Variants in RIC1 observed in about 807,000 individuals in gnomAD.
RIC1 encodes the protein RIC1 partner of RAB6A GEF complex.
A neutral mutation model predicts 169.0 loss-of-function variants in RIC1; 88 were observed. That is an observed-to-expected ratio of 0.52 (90% CI 0.44 to 0.62). The LOEUF (loss-of-function observed/expected upper bound fraction) is 0.62, where lower values mean the gene tolerates loss of function less well. Among genes scored for constraint, RIC1 ranks in the 20% least tolerant of loss-of-function variants. RIC1 has a pLI of 0.00. For synonymous variants in RIC1, 790 were observed against 601.5 expected, an observed-to-expected ratio of 1.31 and a Z score of -4.59; for missense variants, 1,877 against 1,725.5, an observed-to-expected ratio of 1.09 and a Z score of -1.56.
At chr9:5,696,021 C>G (rs2760415) in intron 3 of RIC1, among the ~76,000 whole-genome samples, 1 of 152,002 alleles carries the variant, frequency 6.6e-6, no homozygotes, top group Non-Finnish European at 1.5e-5. Flanking sequence ...TTCTTTGTTT[C>G]TTCCTCTGGA....
At chr9:5,724,654 G>T (rs1276409529) in intron 6 of RIC1, among the ~76,000 whole-genome samples, 2 of 152,306 alleles carry the variant, frequency 1.3e-5, no homozygotes, top group Admixed American at 1.3e-4. Context: ...CAAAGGGAAT[G>T]CTTCCAGTTT....
At chr9:5,740,461 A>T (rs1230012064) in intron 8 of RIC1, among the ~76,000 whole-genome samples, 1 of 151,946 alleles carries the variant, frequency 6.6e-6, no homozygotes, top group Non-Finnish European at 1.5e-5. Flanking sequence ...AATAGAATAG[A>T]TACATACATA....
At chr9:5,676,612 C>T (rs1346898887) in intron 2 of RIC1, among the ~76,000 whole-genome samples, 1 of 152,044 alleles carries the variant, frequency 6.6e-6, no homozygotes, top group Non-Finnish European at 1.5e-5. Context: ...ATTATTAGAG[C>T]CATAGGCATC....
intron 4 of RIC1, among the ~76,000 whole-genome samples, chr9:5,714,699 T>TA (rs1390494348): frequency 6.6e-6 from 1 of 152,162 alleles, no homozygotes; most frequent in African/African-American, 2.4e-5. Flanking sequence ...GCAAAATGCT[T>TA]ATGTTGCTAA....
chr9:5,649,557 G>A (rs1202456343), intron 1 of RIC1, among the ~76,000 whole-genome samples: 2 of 151,870 alleles, frequency 1.3e-5, no homozygotes, highest in Non-Finnish European at 2.9e-5. Flanking sequence ...TATCTTTTTG[G>A]TGAATTTTTC....
chr9:5,775,880 T>C lies in RIC1; in HGVS notation c.*1634T>C, dbSNP rs992798662. ...TTCTGGTGCTATTTTTATTTAAGTC[T>C]TTGTTTCAAACCACCTTTCCCTGAA... On this transcript the variant is annotated 3_prime_UTR_variant, in exon 26 of 26. Coordinates refer to ENST00000414202, the MANE Select transcript of RIC1 (RefSeq NM_020829.4). 23 of 152,182 alleles carry C rather than the reference T, an allele frequency of 1.5e-4. No individual in the cohort carries two copies. The highest frequency in any genetic ancestry group is 5.1e-4 in the African/African-American group (21 of 41,432). 9.4% of individuals were successfully genotyped at this position (152,182 alleles called of 1,614,324 possible). A position where few individuals can be genotyped will look rare whatever the true frequency, so the allele number is the denominator to read the frequency against.
At chr9:5,712,178 T>G (rs13296516) in intron 3 of RIC1, among the ~76,000 whole-genome samples, 3,012 of 152,318 alleles carry the variant, frequency 0.02, 37 homozygotes, top group Non-Finnish European at 0.025. Flanking sequence ...TTGAACTAGT[T>G]TGCAGTCCCA....
At chr9:5,701,001 C>T (rs978966195) in intron 3 of RIC1, among the ~76,000 whole-genome samples, 1 of 152,154 alleles carries the variant, frequency 6.6e-6, no homozygotes, top group African/African-American at 2.4e-5. Context: ...TTCTCAGAAT[C>T]GTATGGTCAA....
At chr9:5,733,838 T>C (rs1180790746) in intron 7 of RIC1, among the ~76,000 whole-genome samples, 1 of 151,684 alleles carries the variant, frequency 6.6e-6, no homozygotes, top group Non-Finnish European at 1.5e-5. Context: ...TCCTCTTTAC[T>C]CTTCTGAGTA....
chr9:5,661,846 A>G (rs112182411), intron 2 of RIC1, among the ~76,000 whole-genome samples: 11,973 of 152,136 alleles, frequency 0.079, 651 homozygotes, highest in South Asian at 0.21. Context: ...TGATTGCCCC[A>G]GCCAGAACTG....
chr9:5,633,298 A>T (rs1817807456), intron 1 of RIC1, among the ~76,000 whole-genome samples: 1 of 152,094 alleles, frequency 6.6e-6, no homozygotes, highest in Non-Finnish European at 1.5e-5. Context: ...CCCATTTCTC[A>T]CCCTTTTAAC....
At chr9:5,629,546 GC>G (rs1817615380) in intron 1 of RIC1, 93 bp downstream of exon 1, 1 of 1,320,126 alleles carries the variant, frequency 7.6e-7, no homozygotes, top group African/African-American at 1.5e-5. Flanking sequence ...TAGGACTCCT[GC>G]CCCTTCGTGC....
At chr9:5,645,013 A>G (rs1197552596) in intron 1 of RIC1, among the ~76,000 whole-genome samples, 2 of 152,174 alleles carry the variant, frequency 1.3e-5, no homozygotes, top group African/African-American at 2.4e-5. Flanking sequence ...TTAGCTATTT[A>G]TATATCTTAT....
intron 3 of RIC1, chr9:5,713,579 G>C (rs7027184): frequency 0.065 from 13,836 of 212,214 alleles, 856 homozygotes; most frequent in African/African-American, 0.18. Context: ...AGGGCCCTCA[G>C]GAATTTTAAA....
rs371475942 is a variant in RIC1 at position 5,763,840 on chromosome 9, C to T, written c.2813C>T (p.Thr938Ile). 12 of 1,613,688 alleles carry T rather than the reference C, an allele frequency of 7.4e-6. No homozygotes were observed. Among genetic ancestry groups the T allele is most frequent in the African/African-American group, 1.3e-5 (1 of 74,932 alleles). Residue 938 changes from threonine (T) to isoleucine (I), a missense_variant, in exon 19 of 26, where the codon ACA becomes ATA. Around this residue, in one of 3 missense-constraint regions of RIC1, gnomAD observed 92 missense variants for 151.5 expected, o/e 0.61. Coordinates refer to ENST00000414202, the MANE Select transcript of RIC1 (RefSeq NM_020829.4). The surrounding 1 kb of genome is among the most constrained non-coding windows in gnomAD (Gnocchi z 5.2). ...TGTTTGATGGCTCAGGATTTGGACA[C>T]AGCTGCCTCTTACCTTATTATCTTA... ...EECLMAQDLDTAASYLIILQN... is the reference protein window; with the variant it reads ...EECLMAQDLDIAASYLIILQN...
chr9:5,639,806 T>G (rs571309685), intron 1 of RIC1, among the ~76,000 whole-genome samples: 2 of 152,222 alleles, frequency 1.3e-5, no homozygotes, highest in South Asian at 4.1e-4. Flanking sequence ...TATTGCTGGA[T>G]TGACTCTTTT....
chr9:5,691,430 A>G (rs1042717033), intron 3 of RIC1, among the ~76,000 whole-genome samples: 1 of 151,998 alleles, frequency 6.6e-6, no homozygotes, highest in African/African-American at 2.4e-5. Context: ...TATAGTGCTA[A>G]CTGAGGTATT....
intron 2 of RIC1, among the ~76,000 whole-genome samples, chr9:5,682,932 A>C (rs1418233237): frequency 6.6e-6 from 1 of 151,982 alleles, no homozygotes; most frequent in East Asian, 1.9e-4. Flanking sequence ...CATCGCTGAT[A>C]CCCTTTCTTC....
Position 5,747,990 on chromosome 9 carries a change from TTTTATTA to T in RIC1, c.1452+486_1452+492del, listed in dbSNP as rs1324488053. ...CAGTAGAGAGCTTTATTGTTAATAC[TTTTATTA>T]GCTAATCTTATTCCAAATTATTTAT... is the stretch of plus-strand genomic sequence containing the variant. On this transcript the variant is annotated intron_variant, in intron 12 of 25. Transcript: ENST00000414202. Among the ~76,000 whole-genome samples, 6 of 152,330 alleles carry T rather than the reference TTTTATTA, an allele frequency of 3.9e-5. No homozygotes were observed. In the South Asian group the frequency reaches 8.3e-4, roughly 21 times the overall value.
Sources: gnomAD v4.1 joint callset for allele counts (sites outside exome capture counted in the v4.1 genomes callset) on GRCh38, gnomAD v4.1.1 for gene constraint, gnomAD v4.1.1 regional missense constraint, Gnocchi (gnomAD v3.1) non-coding constraint, MANE v1.5 for transcripts, NCBI Gene and HGNC (gene_info 2026-07-23, HGNC 2026-07-21) for gene names.